The following SDC3 variants were observed in gnomAD, a reference collection of about 807,000 sequenced individuals.
SDC3 encodes syndecan-3.
In SDC3, 13 loss-of-function variants were observed where a neutral mutation model predicts 24.4. That is an observed-to-expected ratio of 0.53 (90% confidence interval 0.35 to 0.85). The LOEUF (loss-of-function observed/expected upper bound fraction) is 0.85. Among genes scored for constraint, SDC3 ranks in the 40% least tolerant of loss-of-function variants. The pLI is 0.01. For missense variants in SDC3, 571 were observed against 584.5 expected, an observed-to-expected ratio of 0.98 and a Z score of 0.24; for synonymous variants, 295 against 260.9, an observed-to-expected ratio of 1.13 and a Z score of -1.26.
chr1:30,898,541 G>A (rs991313396), intron 1 of SDC3, among the ~76,000 whole-genome samples: 2 of 152,196 alleles, frequency 1.3e-5, no homozygotes, highest in African/African-American at 2.4e-5. Context: ...CAGCTAGCTT[G>A]GAACTGATGA....
Position 30,876,628 on chromosome 1 carries a change from G to T in SDC3, c.794C>A (p.Thr265Asn). 6.3e-7 allele frequency: 1 copy of T among 1,576,902 alleles called. No homozygotes were observed. The highest frequency in any genetic ancestry group is 8.6e-7 in the Non-Finnish European group (1 of 1,161,522). Residue 265 changes from threonine to asparagine, a missense_variant, in exon 3 of 5, where the codon ACC (threonine) becomes AAC (asparagine). Physicochemically the swap from Thr to Asn is moderately conservative, Grantham distance 65. Transcript: ENST00000339394. ...CCTCTCAGGGATGTCAGGCTCCTGG[G>T]TGGTGGCCGGCCTGGGAAGGGCTCT... Reference protein sequence around the residue: ...RPRALPRPATTQEPDIPERST... With the variant: ...RPRALPRPATNQEPDIPERST...
At chr1:30,900,747 C>G (rs1161565728) in intron 1 of SDC3, among the ~76,000 whole-genome samples, 2 of 152,124 alleles carry the variant, frequency 1.3e-5, no homozygotes, top group Admixed American at 6.5e-5. Flanking sequence ...TTAGATTTCC[C>G]AGATCCCGCT....
intron 1 of SDC3, among the ~76,000 whole-genome samples, chr1:30,889,036 C>T (rs1034784029): frequency 6.6e-6 from 1 of 152,230 alleles, no homozygotes; most frequent in Non-Finnish European, 1.5e-5. Context: ...TGTCCAAGCC[C>T]TCACCCTCCC....
At chr1:30,878,977 C>G in intron 1 of SDC3, 1 of 508,808 alleles carries the variant, frequency 2.0e-6, no homozygotes, top group East Asian at 3.2e-5. Context: ...ATGACTTTCT[C>G]TTAGAAACTG....
intron 1 of SDC3, among the ~76,000 whole-genome samples, chr1:30,883,609 G>A (rs541418499): frequency 8.5e-5 from 13 of 152,258 alleles, no homozygotes; most frequent in Admixed American, 3.3e-4. Context: ...AGTCGGAGCC[G>A]TATAAGGCTT....
At chr1:30,900,352 G>A (rs1638388345) in intron 1 of SDC3, among the ~76,000 whole-genome samples, 1 of 152,160 alleles carries the variant, frequency 6.6e-6, no homozygotes, top group East Asian at 1.9e-4. Context: ...GCTTGTGTCT[G>A]TCTCCCTGAC....
intron 1 of SDC3, among the ~76,000 whole-genome samples, chr1:30,896,174 C>G (rs1303642009): frequency 6.6e-6 from 1 of 152,078 alleles, no homozygotes; most frequent in Non-Finnish European, 1.5e-5. Flanking sequence ...AGGAGTGAAA[C>G]AGATTGAGGA....
intron 1 of SDC3, among the ~76,000 whole-genome samples, chr1:30,901,568 G>A (rs953614681): frequency 1.3e-5 from 2 of 152,116 alleles, no homozygotes; most frequent in East Asian, 3.9e-4. Context: ...TCAGCACCAC[G>A]GACCCTAGAA....
In SDC3 at chr1:30,869,753, G is replaced by C; in HGVS notation, c.*3458C>G. On this transcript the variant is annotated 3_prime_UTR_variant, in exon 5 of 5. Coordinates refer to ENST00000339394, the MANE Select transcript of SDC3 (RefSeq NM_014654.4). Reference sequence around the variant, plus strand: ...GAAGGGGCAGGGAAGGCCTGGGGGAGGGAATGGCAGACCCCCACCCACCCC... The same window carrying C: ...GAAGGGGCAGGGAAGGCCTGGGGGACGGAATGGCAGACCCCCACCCACCCC... The C allele has an allele frequency of 2.5e-6, 1 of 398,756 alleles. No individual in the cohort carries two copies. The highest frequency in any genetic ancestry group is 4.4e-5 in the Admixed American group (1 of 22,726). The allele number at this position is 398,756 out of a possible 1,614,324, so 24.7% of individuals were successfully genotyped here.
intron 1 of SDC3, among the ~76,000 whole-genome samples, chr1:30,893,375 C>T (rs72882089): frequency 0.21 from 30,334 of 144,858 alleles, 3,590 homozygotes; most frequent in East Asian, 0.39. Flanking sequence ...CTGGGCAGGA[C>T]GATTTTCCAC....
intron 1 of SDC3, among the ~76,000 whole-genome samples, chr1:30,897,437 C>T (rs1386391023): frequency 1.3e-5 from 2 of 152,184 alleles, no homozygotes; most frequent in Non-Finnish European, 2.9e-5. Context: ...GAAATCCTCT[C>T]CAGCCATCTG....
Position 30,876,999 on chromosome 1 carries a change from G to C in SDC3, c.423C>G (p.Ser141Arg). ...SERPTLEPAT[S>R]PLVVTEVPEE... is the part of the protein sequence containing the mutation. Reference sequence around the variant, plus strand: ...CCGGGACTTCTGTCACCACCAGGGGGCTGGTGGCTGGCTCCAGGGTGGGGC... The same window carrying C: ...CCGGGACTTCTGTCACCACCAGGGGCCTGGTGGCTGGCTCCAGGGTGGGGC... The change falls in exon 3 of 5, where the codon AGC (serine) becomes AGG (arginine). Residue 141 changes from serine to arginine, a missense_variant. Coordinates refer to ENST00000339394, the MANE Select transcript of SDC3 (RefSeq NM_014654.4). The C allele has an allele frequency of 6.2e-7, 1 of 1,613,560 alleles. No individual in the cohort carries two copies. Among genetic ancestry groups the C allele is most frequent in the East Asian group, 2.2e-5 (1 of 44,878 alleles).
chr1:30,881,114 T>TAC (rs901851585), intron 1 of SDC3, among the ~76,000 whole-genome samples: 29 of 150,968 alleles, frequency 1.9e-4, no homozygotes, highest in East Asian at 1.6e-3. Context: ...CCCCAATGGA[T>TAC]ACACACACAC....
intron 1 of SDC3, among the ~76,000 whole-genome samples, chr1:30,893,302 A>AC (rs1639933592): frequency 8.5e-5 from 1 of 11,824 alleles, no homozygotes; most frequent in Non-Finnish European, 1.6e-4. Flanking sequence ...ACCCACCAGG[A>AC]GCCCCCCCCC....
At chr1:30,902,006 C>A (rs1310396485) in intron 1 of SDC3, among the ~76,000 whole-genome samples, 1 of 152,222 alleles carries the variant, frequency 6.6e-6, no homozygotes, top group Non-Finnish European at 1.5e-5. Context: ...AGGATTTCAA[C>A]CCTGAATCAG....
intron 1 of SDC3, among the ~76,000 whole-genome samples, chr1:30,893,701 T>G (rs1639941346): frequency 6.6e-6 from 1 of 151,976 alleles, no homozygotes; most frequent in South Asian, 2.1e-4. Flanking sequence ...CACGAGGCCC[T>G]AGTGCCGAAG....
chr1:30,908,978 C>G (rs1029922278), upstream of SDC3, among the ~76,000 whole-genome samples: 8 of 151,986 alleles, frequency 5.3e-5, no homozygotes, highest in African/African-American at 1.9e-4. Context: ...CCGGCCTCGC[C>G]GATCCCGGGG....
chr1:30,879,041 G>T, intron 1 of SDC3: 1 of 320,576 alleles, frequency 3.1e-6, no homozygotes, highest in Non-Finnish European at 6.0e-6. Flanking sequence ...AAATTCAGTG[G>T]TTCAGTAGGT....
Position 30,872,712 on chromosome 1 carries a change from C to T in SDC3, c.*499G>A, listed in dbSNP as rs1639561256. The T allele has an allele frequency of 6.2e-6, 1 of 160,318 alleles. No homozygotes were observed. Among genetic ancestry groups the T allele is most frequent in the Non-Finnish European group, 1.4e-5 (1 of 72,586 alleles). 9.9% of individuals were successfully genotyped at this position (160,318 alleles called of 1,614,324 possible). A position where few individuals can be genotyped will look rare whatever the true frequency, so the allele number is the denominator to read the frequency against. ...TGGTGACAAGGGACACCCTCTCACC[C>T]AGCTAGAGAGAGGCCCTGGGATACG... On this transcript the variant is annotated 3_prime_UTR_variant, in exon 5 of 5. Transcript: ENST00000339394.
Sources: allele counts gnomAD v4.1 joint callset (sites outside exome capture counted in the v4.1 genomes callset), GRCh38; gene constraint gnomAD v4.1.1; transcripts MANE v1.5; gene names NCBI Gene and HGNC (gene_info 2026-07-23, HGNC 2026-07-21).